The following DOCK10 variants were observed in gnomAD, a reference collection of about 807,000 sequenced individuals.
The protein encoded by DOCK10 is dedicator of cytokinesis 10, also known as dedicator of cytokinesis protein 10.
Under a neutral mutation model 280.1 loss-of-function variants are expected in DOCK10, and 145 were observed. That is an observed-to-expected ratio of 0.52 (90% CI 0.45 to 0.59). The LOEUF (loss-of-function observed/expected upper bound fraction) is 0.59, where lower values mean the gene tolerates loss of function less well. Ranked by LOEUF, DOCK10 falls within the 20% of genes least tolerant of loss-of-function variation. DOCK10 has a pLI of 0.00. For synonymous variants in DOCK10, 915 were observed against 942.2 expected (o/e 0.97, Z 0.53); for missense variants, 2,368 against 2,651.7 (o/e 0.89, Z 2.35).
intron 7 of DOCK10, among the ~76,000 whole-genome samples, chr2:224,885,307 C>T (rs1264394041): frequency 6.6e-6 from 1 of 152,178 alleles, no homozygotes; most frequent in African/African-American, 2.4e-5. Context: ...GCCCTCTGCT[C>T]ATTCTTTGGT....
rs144607439 is a variant in DOCK10 at position 224,844,243 on chromosome 2, G to C, written c.2568+510C>G. 4.4e-3 allele frequency among the ~76,000 whole-genome samples: 667 copies of C among 152,280 alleles called. 9 individuals carry two copies. Among genetic ancestry groups the C allele is most frequent in the African/African-American group, 0.015 (629 of 41,548 alleles). On this transcript the variant is annotated intron_variant, in intron 22 of 55. Transcript: ENST00000258390. The stretch of plus-strand genomic sequence containing the variant: ...CCTCCCGAGTTCAAGAGATTCTCCT[G>C]CCTCAGCCTCCCAAGTGGCTGGGAT...
At chr2:224,897,762 T>C (rs2125834514) in intron 3 of DOCK10, among the ~76,000 whole-genome samples, 1 of 152,366 alleles carries the variant, frequency 6.6e-6, no homozygotes, top group South Asian at 2.1e-4. Flanking sequence ...GAAACATTAA[T>C]GGCACAAAAT....
intron 55 of DOCK10, among the ~76,000 whole-genome samples, chr2:224,769,624 G>C (rs1380912797): frequency 6.6e-6 from 1 of 152,230 alleles, no homozygotes; most frequent in Non-Finnish European, 1.5e-5. Context: ...TGAGATGACT[G>C]AATGCCCACA....
chr2:224,898,670 G>A (rs754096389), intron 3 of DOCK10, among the ~76,000 whole-genome samples: 19 of 152,242 alleles, frequency 1.2e-4, no homozygotes, highest in Non-Finnish European at 2.2e-4. Context: ...TCCTCCTGCC[G>A]GGTTCACACC....
chr2:224,794,343 C>T (rs1692405368), intron 45 of DOCK10, among the ~76,000 whole-genome samples: 1 of 152,226 alleles, frequency 6.6e-6, no homozygotes. Flanking sequence ...TTATGATCCA[C>T]CCAGTATTGA....
rs561824651 is a variant in DOCK10, at chr2:224,771,315, A to G, written c.6205-670T>C. On this transcript the variant is annotated intron_variant, in intron 53 of 55. Transcript: ENST00000258390. ...AATTCCAATATATTTATTTAAATTT[A>G]ACATTTGTGAAATCAAATGTTTGAA... is the stretch of plus-strand genomic sequence containing the variant. Among the ~76,000 whole-genome samples the G allele has an allele frequency of 3.3e-5, 5 of 152,332 alleles. No homozygotes were observed. In the South Asian group the frequency reaches 1.0e-3, roughly 32 times the overall value.
At chr2:224,984,093 C>T (rs1343415698) in intron 1 of DOCK10, among the ~76,000 whole-genome samples, 1 of 152,054 alleles carries the variant, frequency 6.6e-6, no homozygotes, top group African/African-American at 2.4e-5. Context: ...TGGCAGTGCC[C>T]ACCCCCACCC....
chr2:224,773,807 T>C (rs1212427676), intron 52 of DOCK10, among the ~76,000 whole-genome samples: 1 of 152,054 alleles, frequency 6.6e-6, no homozygotes, highest in African/African-American at 2.4e-5. Flanking sequence ...AATTTTTGTA[T>C]TTTTAGTAGA....
chr2:225,035,560 AT>A (rs1690216963), intron 1 of DOCK10, among the ~76,000 whole-genome samples: 1 of 49,796 alleles, frequency 2.0e-5, no homozygotes, highest in African/African-American at 5.6e-5. Context: ...ATATATATAT[AT>A]ATATATATAT....
At chr2:224,842,240 C>T (rs1234745060) in intron 22 of DOCK10, among the ~76,000 whole-genome samples, 1 of 152,216 alleles carries the variant, frequency 6.6e-6, no homozygotes, top group African/African-American at 2.4e-5. Context: ...CTTCCATAGA[C>T]TTCTACCAAT....
chr2:224,864,557 T>A lies in DOCK10; in HGVS notation c.1598A>T (p.Asn533Ile). 6.3e-7 allele frequency: 1 copy of A among 1,591,668 alleles called. No individual in the cohort carries two copies. The highest frequency in any genetic ancestry group is 8.5e-7 in the Non-Finnish European group (1 of 1,173,684). The change falls in exon 13 of 56, where the codon AAC becomes ATC. Residue 533 changes from asparagine to isoleucine, a missense_variant. Asn to Ile is a moderately radical substitution (Grantham distance 149). Transcript: ENST00000258390. ...AEPYIKNPDS[N>I]KYAQKILKSN... Reference sequence around the variant, plus strand: ...ATTTATAAGATTATACATTACCTTGTTGGAGTCTGGGTTCTTAATATAAGG... The same window carrying A: ...ATTTATAAGATTATACATTACCTTGATGGAGTCTGGGTTCTTAATATAAGG...
chr2:224,800,272 T>C lies in DOCK10; in HGVS notation c.4394-9A>G, dbSNP rs772925399. 1.9e-6 allele frequency: 3 copies of C among 1,573,910 alleles called. No individual in the cohort carries two copies. Among genetic ancestry groups the C allele is most frequent in the Admixed American group, 3.4e-5 (2 of 58,908 alleles). On this transcript the variant is annotated splice_polypyrimidine_tract_variant and intron_variant, in intron 40 of 55. Coordinates refer to ENST00000258390, the MANE Select transcript of DOCK10 (RefSeq NM_014689.3). ...TATTTCATTGGAGTTGCCTATAAAA[T>C]ACAAAATAAAACATGCGTAAAAGTC... is the stretch of plus-strand genomic sequence containing the variant.
chr2:224,983,653 A>G (rs779051669), intron 1 of DOCK10: 5 of 414,850 alleles, frequency 1.2e-5, no homozygotes, highest in Non-Finnish European at 2.5e-5. Context: ...ATGATGCTCA[A>G]ACAGGCATTA....
rs779001092 is a variant in DOCK10, at chr2:224,794,973, C to A, written c.5060G>T (p.Ser1687Ile). The change falls in exon 45 of 56, where the codon AGC becomes ATC. Residue 1687 changes from serine to isoleucine, a missense_variant. This residue lies in a region of DOCK10 where 1,159 missense variants were observed against 1,400.8 expected (regional missense o/e 0.83). Transcript: ENST00000258390. Reference protein sequence around the residue: ...DPEMLVDLQYSLANSYASTPE... With the variant: ...DPEMLVDLQYILANSYASTPE... ...AGTGCTTGCGTAGGAGTTTGCCAGG[C>A]TGTACTGGAGATCCACCAGCATCTC... 1.2e-6 allele frequency: 2 copies of A among 1,613,932 alleles called. No individual in the cohort carries two copies. Among genetic ancestry groups the A allele is most frequent in the Non-Finnish European group, 1.7e-6 (2 of 1,179,862 alleles).
chr2:224,964,600 G>A (rs1160710716), intron 1 of DOCK10, among the ~76,000 whole-genome samples: 4 of 152,040 alleles, frequency 2.6e-5, no homozygotes, highest in African/African-American at 9.7e-5. Flanking sequence ...GAACTCCTGG[G>A]CTCAACCCAT....
At chr2:224,847,168 G>C (rs1313858732) in intron 19 of DOCK10, among the ~76,000 whole-genome samples, 6 of 152,192 alleles carry the variant, frequency 3.9e-5, no homozygotes, top group Non-Finnish European at 8.8e-5. Flanking sequence ...CCCTATTTCT[G>C]GAAAGAATTG....
Position 224,800,263 on chromosome 2 carries a change from C to A in DOCK10, c.4394G>T (p.Ser1465Ile), listed in dbSNP as rs538874296. 5 of 1,594,932 alleles carry A rather than the reference C, an allele frequency of 3.1e-6. No homozygotes were observed. The highest frequency in any genetic ancestry group is 4.5e-5 in the East Asian group (2 of 44,636). ...LLQMLDNTMT[S>I]NSNEIDIVHH... Reference sequence around the variant, plus strand: ...CACGATGTCTATTTCATTGGAGTTGCCTATAAAATACAAAATAAAACATGC... The same window carrying A: ...CACGATGTCTATTTCATTGGAGTTGACTATAAAATACAAAATAAAACATGC... Residue 1465 changes from serine (S) to isoleucine (I), a missense_variant and splice_region_variant, in exon 41 of 56, where the codon AGC becomes ATC. By Grantham distance (142) the Ser-to-Ile change is moderately radical (BLOSUM62 -2). This residue lies in a region of DOCK10 where 1,159 missense variants were observed against 1,400.8 expected (regional missense o/e 0.83). Coordinates refer to ENST00000258390, the MANE Select transcript of DOCK10 (RefSeq NM_014689.3).
At chr2:225,027,803 A>C (rs1689957496) in intron 1 of DOCK10, among the ~76,000 whole-genome samples, 1 of 152,208 alleles carries the variant, frequency 6.6e-6, no homozygotes, top group Non-Finnish European at 1.5e-5. Flanking sequence ...GTATTTCTTT[A>C]TAGCAGTGGG....
chr2:224,920,350 A>G (rs1701635013), intron 2 of DOCK10, among the ~76,000 whole-genome samples: 1 of 151,568 alleles, frequency 6.6e-6, no homozygotes, highest in Non-Finnish European at 1.5e-5. Context: ...CTGGGATTAC[A>G]GGCATGAGCC....
Sources: allele counts gnomAD v4.1 joint callset (sites outside exome capture counted in the v4.1 genomes callset), GRCh38; gene constraint gnomAD v4.1.1; regional missense constraint gnomAD v4.1.1; transcripts MANE v1.5; gene names NCBI Gene and HGNC (gene_info 2026-07-23, HGNC 2026-07-21).